Variants in NPIPB11 observed in about 807,000 individuals in gnomAD.
NPIPB11 encodes the protein nuclear pore complex interacting protein family member B11.
NPIPB11 carries 17 observed loss-of-function variants against 32.8 expected under a neutral mutation model. The ratio of observed to expected loss-of-function variants is 0.52; its 90% CI spans 0.35 to 0.78. The LOEUF is 0.78. Ranked by LOEUF, NPIPB11 falls within the 30% of genes least tolerant of loss-of-function variation. The pLI is 0.01. For missense variants in NPIPB11, 537 were observed against 1,000.4 expected (o/e 0.54, Z 6.25); for synonymous variants, 209 against 398.4 (o/e 0.52, Z 5.66).
intron 3 of NPIPB11, among the ~76,000 whole-genome samples, chr16:29,392,388 A>C (rs1196175812): frequency 1.3e-5 from 2 of 151,202 alleles, no homozygotes; most frequent in East Asian, 3.9e-4. Context: ...GAACTTTCCT[A>C]AGTGGAATTG....
Position 29,390,653 on chromosome 16 carries a change from TACAC to T in NPIPB11, c.250-309_250-306del, listed in dbSNP as rs56110526. On this transcript the variant is annotated intron_variant, in intron 3 of 7. Coordinates refer to ENST00000524087, the Ensembl canonical transcript of NPIPB11. The stretch of plus-strand genomic sequence containing the variant: ...AGCGACAGAATGAGACTCTGTCACA[TACAC>T]ACACACACACACAAGAATGACATGA... Among the ~76,000 whole-genome samples the T allele has an allele frequency of 3.4e-5, 5 of 146,888 alleles. 1 individual carries two copies. In the South Asian group the frequency reaches 8.8e-4, roughly 26 times the overall value.
At chr16:29,405,216 C>T (rs922319756), upstream of NPIPB11, among the ~76,000 whole-genome samples, 17 of 152,038 alleles carry the variant, frequency 1.1e-4, no homozygotes, top group Non-Finnish European at 1.9e-4. Context: ...CCTCAATTTC[C>T]TAAATATGCA....
chr16:29,402,724 C>CTCTCTCTCTCTCTCTG (rs1449821025), intron 2 of NPIPB11, among the ~76,000 whole-genome samples: 1 of 119,634 alleles, frequency 8.4e-6, no homozygotes, highest in Non-Finnish European at 1.7e-5. Context: ...CTCTCTCTCT[C>CTCTCTCTCTCTCTCTG]TGTGTGTGTG....
intron 2 of NPIPB11, among the ~76,000 whole-genome samples, chr16:29,394,734 T>TTTTTG (rs1567273420): frequency 6.8e-6 from 1 of 148,040 alleles, no homozygotes; most frequent in African/African-American, 2.5e-5. Context: ...GCCCAGCCAT[T>TTTTTG]TTTTTGTTTT....
intron 5 of NPIPB11, among the ~76,000 whole-genome samples, chr16:29,389,305 T>C (rs550059036): frequency 1.5e-5 from 2 of 137,566 alleles, no homozygotes; most frequent in Non-Finnish European, 3.0e-5. Context: ...GAGGTTGCAG[T>C]GAGCCAAGAC....
intron 2 of NPIPB11, 55 bp from the exon 3 acceptor site, chr16:29,394,131 A>T: frequency 6.4e-7 from 1 of 1,574,158 alleles, no homozygotes; most frequent in Non-Finnish European, 8.6e-7. Flanking sequence ...ACAATATTTC[A>T]CTCAGAAAGA....
intron 2 of NPIPB11, among the ~76,000 whole-genome samples, chr16:29,402,033 C>G (rs1964004146): frequency 6.6e-6 from 1 of 151,604 alleles, no homozygotes; most frequent in African/African-American, 2.4e-5. Flanking sequence ...TGGTCAGACA[C>G]ACGTAGGTTT....
chr16:29,397,483 T>C, intron 2 of NPIPB11: 1 of 1,372,676 alleles, frequency 7.3e-7, no homozygotes, highest in Non-Finnish European at 9.7e-7. Context: ...AGTGCTGGGA[T>C]TACAGGCCTG....
upstream of NPIPB11, among the ~76,000 whole-genome samples, chr16:29,405,337 T>C (rs562471993): frequency 2.1e-4 from 32 of 152,098 alleles, no homozygotes; most frequent in South Asian, 6.4e-3. Flanking sequence ...TGAACAAATA[T>C]TATTAAAAGC....
intron 2 of NPIPB11, among the ~76,000 whole-genome samples, chr16:29,398,808 G>A (rs1296729564): frequency 6.6e-6 from 1 of 151,790 alleles, no homozygotes; most frequent in Non-Finnish European, 1.5e-5. Context: ...TCTGGCCTGG[G>A]AATTCCTCTT....
intron 2 of NPIPB11, among the ~76,000 whole-genome samples, chr16:29,394,886 C>T (rs1963815548): frequency 6.7e-6 from 1 of 149,626 alleles, no homozygotes; most frequent in Non-Finnish European, 1.5e-5. Flanking sequence ...GCTGGGAGTA[C>T]AGGTGCCTGA....
intron 2 of NPIPB11, among the ~76,000 whole-genome samples, chr16:29,399,581 C>A (rs1963940528): frequency 6.6e-6 from 1 of 150,740 alleles, no homozygotes; most frequent in Non-Finnish European, 1.5e-5. Context: ...CGCCTTAGTC[C>A]CACCTACTTG....
intron 5 of NPIPB11, 131 bp downstream of exon 5, chr16:29,389,810 G>A (rs1963667926): frequency 1.2e-5 from 17 of 1,464,820 alleles, no homozygotes; most frequent in Admixed American, 2.1e-5. Context: ...GAAGCAGAAA[G>A]GACAAACTCA....
chr16:29,389,955 C>T, exon 5 of NPIPB11: 1 of 1,591,660 alleles, frequency 6.3e-7, no homozygotes. Flanking sequence ...TTCTGGCGGT[C>T]TTCCTCTTTC....
At chr16:29,397,924 G>T (rs1165105474) in intron 2 of NPIPB11, among the ~76,000 whole-genome samples, 1 of 89,640 alleles carries the variant, frequency 1.1e-5, no homozygotes, top group Non-Finnish European at 2.1e-5. Context: ...TTAGCTACAG[G>T]TCACGGAGAA....
chr16:29,383,195 A>G (rs1363447981), exon 8 of NPIPB11: 2 of 1,566,712 alleles, frequency 1.3e-6, no homozygotes, highest in East Asian at 2.3e-5. Context: ...GTGTCTTGAT[A>G]TTATCATCTG....
chr16:29,390,296 G>A (rs200886614), exon 4 of NPIPB11: 132 of 1,585,710 alleles, frequency 8.3e-5, no homozygotes, highest in Middle Eastern at 6.8e-4. Context: ...CTGTACATCC[G>A]TGGATCCATC....
chr16:29,389,668 GAAAAAAAAAAAA>G (rs1160526743), intron 5 of NPIPB11, among the ~76,000 whole-genome samples: 3,094 of 15,124 alleles, frequency 0.2, 80 homozygotes, highest in Middle Eastern at 0.31. Context: ...TCCATCTCAG[GAAAAAAAAAAAA>G]AAAAAAAAAA....
chr16:29,400,722 C>A (rs1963968297), intron 2 of NPIPB11, among the ~76,000 whole-genome samples: 1 of 152,022 alleles, frequency 6.6e-6, no homozygotes, highest in African/African-American at 2.4e-5. Flanking sequence ...TGGTAGGACT[C>A]CTGGGTCCCC....
Sources: gnomAD v4.1 joint callset for allele counts (sites outside exome capture counted in the v4.1 genomes callset) on GRCh38, gnomAD v4.1.1 for gene constraint, MANE v1.5 for transcripts, NCBI Gene and HGNC (gene_info 2026-07-23, HGNC 2026-07-21) for gene names.